Variants in ANKRD18B observed in about 807,000 individuals in gnomAD.
ANKRD18B encodes the protein ankyrin repeat domain-containing protein 18B.
A neutral mutation model predicts 111.8 loss-of-function variants in ANKRD18B; 75 were observed. The ratio of observed to expected loss-of-function variants is 0.67; its 90% CI spans 0.56 to 0.81. The LOEUF is 0.81. ANKRD18B is among the 40% of genes least tolerant of loss of function. The pLI is 0.00. For missense variants in ANKRD18B, 1,038 were observed against 1,225.5 expected (o/e 0.85, Z 2.28); for synonymous variants, 356 against 417.3 (o/e 0.85, Z 1.79).
chr9:33,534,482 T>C lies in ANKRD18B; in HGVS notation c.715T>C (p.Tyr239His), dbSNP rs760986959. Residue 239 changes from tyrosine to histidine, a missense_variant, in exon 5 of 19, where the codon TAT becomes CAT. Coordinates refer to ENST00000684830, the MANE Select transcript of ANKRD18B (RefSeq NM_001393611.1). ...QDMFGQTAEDYAFCCDLRSIQ... is the reference protein window; with the variant it reads ...QDMFGQTAEDHAFCCDLRSIQ... The stretch of plus-strand genomic sequence containing the variant: ...CATGTTTGGCCAAACTGCCGAGGAT[T>C]ATGCTTTTTGTTGTGATTTGAGAAG... 6.5e-7 allele frequency: 1 copy of C among 1,547,730 alleles called. No homozygotes were observed. The highest frequency in any genetic ancestry group is 1.2e-5 in the South Asian group (1 of 82,742).
rs1828701108 is a variant in ANKRD18B, at chr9:33,567,275, C to G, written c.2915C>G (p.Ala972Gly). ...LEEYKEAFAV[A>G]LKANSSMSEK... ...GAGTATAAGGAAGCCTTTGCAGTAG[C>G]ATTGAAAGCTAACAGTTCCATGTCA... Residue 972 changes from alanine (A) to glycine (G), a missense_variant, in exon 16 of 19, where the codon GCA (alanine) becomes GGA (glycine). Transcript: ENST00000684830. The G allele has an allele frequency of 2.6e-6, 4 of 1,547,182 alleles. No homozygotes were observed. Among genetic ancestry groups the G allele is most frequent in the Non-Finnish European group, 3.5e-6 (4 of 1,145,604 alleles).
Position 33,543,223 on chromosome 9 carries a change from A to G in ANKRD18B, c.1117A>G (p.Arg373Gly). 1 of 1,552,988 alleles carries G rather than the reference A, an allele frequency of 6.4e-7. No homozygotes were observed. Among genetic ancestry groups the G allele is most frequent in the Non-Finnish European group, 8.7e-7 (1 of 1,147,512 alleles). ...LKVASEEKQE[R>G]LERSENKQPQ... ...AGTGGCTTCAGAGGAAAAGCAAGAA[A>G]GGCTTGAAAGAAGTGAAAATAAACA... The change falls in exon 10 of 19, where the codon AGG (arginine) becomes GGG (glycine). Residue 373 changes from arginine to glycine, a missense_variant. This residue lies in a region of ANKRD18B where 205 missense variants were observed against 201.3 expected (regional missense o/e 1.02). Transcript: ENST00000684830.
At chr9:33,541,038 G>A (rs1587263094) in intron 8 of ANKRD18B, 109 bp from the exon 9 acceptor site, 3 of 1,338,678 alleles carry the variant, frequency 2.2e-6, no homozygotes, top group Non-Finnish European at 3.0e-6. Flanking sequence ...AGCTTCTAAT[G>A]GGTAGGATTT....
intron 14 of ANKRD18B, among the ~76,000 whole-genome samples, chr9:33,565,642 TG>T (rs1021988770): frequency 3.3e-4 from 50 of 149,998 alleles, no homozygotes; most frequent in African/African-American, 1.1e-3. Context: ...TTTTTAAATT[TG>T]TTTTTTTTTG....
At chr9:33,547,715 TGTG>T (rs1828380121) in intron 10 of ANKRD18B, among the ~76,000 whole-genome samples, 1 of 146,702 alleles carries the variant, frequency 6.8e-6, no homozygotes, top group Non-Finnish European at 1.5e-5. Context: ...TGTGTGTGTG[TGTG>T]TGTGTGTTTT....
chr9:33,561,574 G>A (rs1828606946), intron 14 of ANKRD18B, among the ~76,000 whole-genome samples: 1 of 152,166 alleles, frequency 6.6e-6, no homozygotes, highest in South Asian at 2.1e-4. Flanking sequence ...TTGGAGTCAT[G>A]GCTAAGAAAA....
intron 1 of ANKRD18B, 105 bp from the exon 2 acceptor site, chr9:33,528,622 T>C: frequency 1.1e-6 from 1 of 893,660 alleles, no homozygotes; most frequent in South Asian, 2.1e-5. Context: ...ATTATTTGTT[T>C]TGAAGGCAGA....
At chr9:33,555,435 C>G (rs560700867) in intron 12 of ANKRD18B, among the ~76,000 whole-genome samples, 1 of 152,048 alleles carries the variant, frequency 6.6e-6, no homozygotes, top group East Asian at 1.9e-4. Context: ...TCTTACTAAC[C>G]CTTAGTACTT....
At chr9:33,565,574 T>C (rs1229600425) in intron 14 of ANKRD18B, among the ~76,000 whole-genome samples, 1 of 152,174 alleles carries the variant, frequency 6.6e-6, no homozygotes, top group Non-Finnish European at 1.5e-5. Context: ...AGCCATCCTT[T>C]TGCCTCAGTC....
At chr9:33,548,990 G>A in intron 11 of ANKRD18B, 135 bp downstream of exon 11, 2 of 961,694 alleles carry the variant, frequency 2.1e-6, no homozygotes, top group Non-Finnish European at 2.9e-6. Flanking sequence ...CCATTTACAT[G>A]AATCATCCAG....
intron 3 of ANKRD18B, 98 bp from the exon 4 acceptor site, chr9:33,533,341 A>G (rs1241204663): frequency 2.0e-6 from 3 of 1,498,858 alleles, no homozygotes; most frequent in Non-Finnish European, 1.8e-6. Flanking sequence ...TTCTGTCTAT[A>G]TTGCATGTTT....
Position 33,572,512 on chromosome 9 carries a change from T to G in ANKRD18B, c.*78T>G. 7.3e-7 allele frequency: 1 copy of G among 1,378,988 alleles called. No homozygotes were observed. The highest frequency in any genetic ancestry group is 9.5e-7 in the Non-Finnish European group (1 of 1,052,788). The allele number at this position is 1,378,988 out of a possible 1,614,324, so 85.4% of individuals were successfully genotyped here. ...TCATAAAATATAAAACATCACAATC[T>G]TTACTAAAGTAGAATATTTTCATAT... On this transcript the variant is annotated 3_prime_UTR_variant, in exon 19 of 19. Transcript: ENST00000684830.
intron 17 of ANKRD18B, among the ~76,000 whole-genome samples, chr9:33,570,130 C>T (rs1411919531): frequency 1.3e-5 from 2 of 152,174 alleles, no homozygotes; most frequent in Non-Finnish European, 2.9e-5. Context: ...ATGAAAAGAA[C>T]AAAATCATGT....
At position 33,560,015 on chromosome 9, in the gene ANKRD18B, G is replaced by A. The variant is rs376825864; in HGVS notation, c.2460+1828G>A. 2.6e-3 allele frequency among the ~76,000 whole-genome samples: 400 copies of A among 152,198 alleles called. 2 individuals carry two copies. The highest frequency in any genetic ancestry group is 9.1e-3 in the African/African-American group (376 of 41,536). On this transcript the variant is annotated intron_variant, in intron 14 of 18. Coordinates refer to ENST00000684830, the MANE Select transcript of ANKRD18B (RefSeq NM_001393611.1). The stretch of plus-strand genomic sequence containing the variant: ...ACCCACCTTCTTCGTATAGATTTGC[G>A]TATAAGCCTCTGAAATAAAAAGCAA...
At chr9:33,526,996 A>T (rs2117962049) in intron 1 of ANKRD18B, among the ~76,000 whole-genome samples, 1 of 152,314 alleles carries the variant, frequency 6.6e-6, no homozygotes, top group South Asian at 2.1e-4. Flanking sequence ...ACTATCTCTC[A>T]GGATGCTTCC....
rs147445375 is a variant in ANKRD18B at position 33,571,308 on chromosome 9, T to A, written c.3223+17T>A. On this transcript the variant is annotated intron_variant, in intron 18 of 18. Transcript: ENST00000684830. ...CAAAGAAAAGTATGTTGCCAAAATG[T>A]ATTAATTAAATTTAGGTTTATTTTA... is the stretch of plus-strand genomic sequence containing the variant. The A allele has an allele frequency of 5.4e-3, 6,113 of 1,130,092 alleles. 263 individuals are homozygous for A. The African/African-American group carries it at 0.09, about 17-fold the overall frequency. 70.0% of individuals were successfully genotyped at this position (1,130,092 alleles called of 1,614,324 possible). A position where few individuals can be genotyped will look rare whatever the true frequency, so the allele number is the denominator to read the frequency against.
In ANKRD18B at chr9:33,566,451, A is replaced by G. The variant is rs1403260297; in HGVS notation, c.2693A>G (p.Asp898Gly). ...GKVQEYKSEL[D>G]ERAMQAIEKL... ...GTACAAGAATATAAATCGGAGCTGGATGAAAGGGCAATGCAGGCAATAGAA... is the reference window on the plus strand; with the variant it reads ...GTACAAGAATATAAATCGGAGCTGGGTGAAAGGGCAATGCAGGCAATAGAA... Residue 898 changes from aspartate (D) to glycine (G), a missense_variant, in exon 15 of 19, where the codon GAT becomes GGT. Physicochemically the swap from Asp to Gly is moderately conservative, Grantham distance 94 (BLOSUM62 -1). Transcript: ENST00000684830. 6.2e-7 allele frequency: 1 copy of G among 1,610,104 alleles called. No homozygotes were observed. Among genetic ancestry groups the G allele is most frequent in the Non-Finnish European group, 8.5e-7 (1 of 1,179,234 alleles).
rs1386019401 is a variant in ANKRD18B, at chr9:33,568,730, A to T, written c.3014A>T (p.Glu1005Val). 1.9e-6 allele frequency: 3 copies of T among 1,551,414 alleles called. No individual in the cohort carries two copies. Among genetic ancestry groups the T allele is most frequent in the Non-Finnish European group, 1.7e-6 (2 of 1,146,766 alleles). ...CTCTTTATGGAGAAAGAGCGGATGG[A>T]ATATTTTCTCAGCACTCTTCCTATG... ...TKLFMEKERM[E>V]YFLSTLPMRP... is the part of the protein sequence containing the mutation. The change falls in exon 17 of 19, where the codon GAA becomes GTA. Residue 1005 changes from glutamate to valine, a missense_variant. Coordinates refer to ENST00000684830, the MANE Select transcript of ANKRD18B (RefSeq NM_001393611.1).
At chr9:33,531,112 G>A (rs1198256130) in intron 3 of ANKRD18B, among the ~76,000 whole-genome samples, 1 of 152,120 alleles carries the variant, frequency 6.6e-6, no homozygotes, top group Non-Finnish European at 1.5e-5. Flanking sequence ...AATGCAATAG[G>A]AATTCTTTTA....
Sources: allele counts gnomAD v4.1 joint callset (sites outside exome capture counted in the v4.1 genomes callset), GRCh38; gene constraint gnomAD v4.1.1; regional missense constraint gnomAD v4.1.1; transcripts MANE v1.5; gene names NCBI Gene and HGNC (gene_info 2026-07-23, HGNC 2026-07-21).